The following SLCO3A1 variants were observed in gnomAD, a reference collection of about 807,000 sequenced individuals.
SLCO3A1 encodes the protein solute carrier organic anion transporter family member 3A1, also known as PGE1 transporter.
A neutral mutation model predicts 63.1 loss-of-function variants in SLCO3A1; 27 were observed. The observed-to-expected ratio is 0.43, with a 90% CI of 0.32 to 0.59. SLCO3A1 has a LOEUF of 0.59. SLCO3A1 is among the 20% of genes least tolerant of loss of function. The pLI, the probability that SLCO3A1 is intolerant of heterozygous loss-of-function variation, is 0.09. For synonymous variants in SLCO3A1, 473 were observed against 409.9 expected, an observed-to-expected ratio of 1.15 and a Z score of -1.86; for missense variants, 773 against 945.8, an observed-to-expected ratio of 0.82 and a Z score of 2.40.
chr15:91,907,270 G>A (rs950510530), intron 1 of SLCO3A1, among the ~76,000 whole-genome samples: 1 of 152,022 alleles, frequency 6.6e-6, no homozygotes, highest in Non-Finnish European at 1.5e-5. Flanking sequence ...GCACTGGTGC[G>A]ATCTCAGCTC....
chr15:92,077,280 C>T (rs2047289674), intron 2 of SLCO3A1, among the ~76,000 whole-genome samples: 1 of 152,134 alleles, frequency 6.6e-6, no homozygotes, highest in Non-Finnish European at 1.5e-5. Flanking sequence ...GATATGGGTC[C>T]TTCTATTACC....
At chr15:91,887,538 A>G (rs904259940) in intron 1 of SLCO3A1, among the ~76,000 whole-genome samples, 2 of 152,192 alleles carry the variant, frequency 1.3e-5, no homozygotes, top group African/African-American at 4.8e-5. Context: ...TCATTGTGGC[A>G]TCTTGGCATG....
rs1046159255 is a variant in SLCO3A1 at position 92,131,885 on chromosome 15, C to A, written c.1512+3396C>A. Among the ~76,000 whole-genome samples, 10 of 146,028 alleles carry A rather than the reference C, an allele frequency of 6.8e-5. No individual in the cohort carries two copies. The South Asian group carries it at 8.7e-4, about 13-fold the overall frequency. On this transcript the variant is annotated intron_variant, in intron 7 of 9. Coordinates refer to ENST00000318445, the MANE Select transcript of SLCO3A1 (RefSeq NM_013272.4). ...TGCCCTTCCTGCAAACCCCTATTGC[C>A]CCTGCTCTTGCCTAGCAAGGCTCTC...
intron 2 of SLCO3A1, among the ~76,000 whole-genome samples, chr15:92,085,256 G>T (rs2047391339): frequency 6.6e-6 from 1 of 152,182 alleles, no homozygotes; most frequent in Non-Finnish European, 1.5e-5. Flanking sequence ...TGTAAGTTTT[G>T]ATTTCAGAGT....
intron 1 of SLCO3A1, among the ~76,000 whole-genome samples, chr15:91,873,544 ACAC>A (rs1897326700): frequency 1.3e-5 from 2 of 151,544 alleles, no homozygotes; most frequent in Non-Finnish European, 2.9e-5. Flanking sequence ...ACACACACAC[ACAC>A]ACACACACAC....
At chr15:92,002,319 CAAG>C (rs748175520) in intron 2 of SLCO3A1, among the ~76,000 whole-genome samples, 47 of 152,150 alleles carry the variant, frequency 3.1e-4, no homozygotes, top group Admixed American at 7.9e-4. Context: ...CCTGAGAGAG[CAAG>C]AAGAAGAAAC....
chr15:92,078,911 T>C (rs887383405), intron 2 of SLCO3A1, among the ~76,000 whole-genome samples: 9 of 152,200 alleles, frequency 5.9e-5, no homozygotes, highest in Admixed American at 6.5e-5. Flanking sequence ...ACGCTATGAA[T>C]GGGGATATTT....
In SLCO3A1 at chr15:91,887,978, C is replaced by A. The variant is rs145275536; in HGVS notation, c.181-28015C>A. ...CATAATTAGTTTTCTCAGGCAGAGT[C>A]CCAAACAGAAGGAGAAGCCAAATAA... On this transcript the variant is annotated intron_variant, in intron 1 of 9. Transcript: ENST00000318445. 1.7e-3 allele frequency among the ~76,000 whole-genome samples: 257 copies of A among 152,296 alleles called. 1 individual carries two copies. The highest frequency in any genetic ancestry group is 5.9e-3 in the African/African-American group (247 of 41,556).
At chr15:92,070,446 C>T (rs2047201831) in intron 2 of SLCO3A1, among the ~76,000 whole-genome samples, 1 of 152,158 alleles carries the variant, frequency 6.6e-6, no homozygotes, top group Non-Finnish European at 1.5e-5. Context: ...AACTCGAGAC[C>T]AGCCTGGCCC....
chr15:91,896,730 C>T (rs190552357), intron 1 of SLCO3A1, among the ~76,000 whole-genome samples: 7 of 152,220 alleles, frequency 4.6e-5, no homozygotes, highest in African/African-American at 1.7e-4. Flanking sequence ...TTACGAATTA[C>T]CCAGTCTCAG....
intron 2 of SLCO3A1, among the ~76,000 whole-genome samples, chr15:91,986,231 A>G (rs969374876): frequency 1.3e-5 from 2 of 152,172 alleles, no homozygotes; most frequent in Non-Finnish European, 2.9e-5. Flanking sequence ...GATGGTGGGC[A>G]AGCAGCTGAG....
At chr15:91,878,838 T>A (rs4583214) in intron 1 of SLCO3A1, among the ~76,000 whole-genome samples, 83,293 of 152,056 alleles carry the variant, frequency 0.55, 23,317 homozygotes, top group East Asian at 0.79. Context: ...AATGTTGCAT[T>A]TCTTGGAGAT....
chr15:91,923,980 A>T (rs1393621992), intron 2 of SLCO3A1, among the ~76,000 whole-genome samples: 1 of 152,252 alleles, frequency 6.6e-6, no homozygotes, highest in South Asian at 2.1e-4. Context: ...TGAAAACTTT[A>T]AAAGCTCAGG....
chr15:91,905,587 T>C (rs1898277824), intron 1 of SLCO3A1, among the ~76,000 whole-genome samples: 1 of 152,010 alleles, frequency 6.6e-6, no homozygotes, highest in African/African-American at 2.4e-5. Context: ...CCTGTGGAAA[T>C]GGATGGCAGC....
chr15:92,095,214 G>A (rs139203312), intron 3 of SLCO3A1, among the ~76,000 whole-genome samples: 143 of 152,302 alleles, frequency 9.4e-4, no homozygotes, highest in African/African-American at 3.3e-3. Flanking sequence ...ACCCCCAATA[G>A]CTGATTTTAC....
chr15:91,947,008 C>T (rs1899830575), intron 2 of SLCO3A1, among the ~76,000 whole-genome samples: 1 of 152,182 alleles, frequency 6.6e-6, no homozygotes, highest in South Asian at 2.1e-4. Context: ...CTCTTCCATC[C>T]CCAGTCATAC....
At chr15:91,907,492 C>T (rs1332253113) in intron 1 of SLCO3A1, among the ~76,000 whole-genome samples, 1 of 151,634 alleles carries the variant, frequency 6.6e-6, no homozygotes, top group Admixed American at 6.6e-5. Flanking sequence ...AGGCATGAGC[C>T]ACTGTGCCTG....
chr15:91,857,543 C>G (rs578257908), intron 1 of SLCO3A1, among the ~76,000 whole-genome samples: 7 of 152,156 alleles, frequency 4.6e-5, no homozygotes, highest in Admixed American at 2.0e-4. Context: ...GTTTTGGCTT[C>G]GAGTGGCTCC....
intron 2 of SLCO3A1, among the ~76,000 whole-genome samples, chr15:92,046,114 G>T (rs989800016): frequency 1.3e-5 from 2 of 152,130 alleles, no homozygotes; most frequent in Non-Finnish European, 2.9e-5. Context: ...GGAGCTAGAA[G>T]GGATTTTCTC....
Sources: gnomAD v4.1 joint callset for allele counts (sites outside exome capture counted in the v4.1 genomes callset) on GRCh38, gnomAD v4.1.1 for gene constraint, MANE v1.5 for transcripts, NCBI Gene and HGNC (gene_info 2026-07-23, HGNC 2026-07-21) for gene names.